CHP1: variants seen among roughly 807,000 people sequenced by gnomAD.
CHP1 encodes the protein calcineurin like EF-hand protein 1.
CHP1 carries 11 observed loss-of-function variants against 27.4 expected under a neutral mutation model. The ratio of observed to expected loss-of-function variants is 0.40; its 90% CI spans 0.25 to 0.67. CHP1 has a LOEUF of 0.67. CHP1 is among the 30% of genes least tolerant of loss of function. The pLI, the probability that CHP1 is intolerant of heterozygous loss-of-function variation, is 0.38. For missense variants in CHP1, 169 were observed against 251.3 expected (o/e 0.67, Z 2.22); for synonymous variants, 89 against 87.4 (o/e 1.02, Z -0.10).
At chr15:41,231,842 A>G (rs1244655284) in intron 1 of CHP1, among the ~76,000 whole-genome samples, 1 of 152,192 alleles carries the variant, frequency 6.6e-6, no homozygotes, top group East Asian at 1.9e-4. Flanking sequence ...TGGATTCTGT[A>G]GAAAATCCGT....
At chr15:41,258,002 G>A (rs546166864) in intron 3 of CHP1, among the ~76,000 whole-genome samples, 3 of 152,226 alleles carry the variant, frequency 2.0e-5, no homozygotes, top group Non-Finnish European at 4.4e-5. Context: ...TTGTACACCC[G>A]TGCTTACTCT....
In CHP1 at chr15:41,256,704, C is replaced by G. The variant is rs139152236; in HGVS notation, c.141-206C>G. On this transcript the variant is annotated intron_variant, in intron 2 of 6. Transcript: ENST00000334660. ...TCACTGGAATGTGGCGTAATCAAAT[C>G]TGGCTCCTTCCACTTCTGAGTTGGT... 34 of 566,232 alleles carry G rather than the reference C, an allele frequency of 6.0e-5. No homozygotes were observed. The African/African-American group carries it at 6.3e-4, about 10-fold the overall frequency. The allele number at this position is 566,232 out of a possible 1,614,324, so 35.1% of individuals were successfully genotyped here.
intron 5 of CHP1, among the ~76,000 whole-genome samples, chr15:41,277,558 G>A (rs2047525194): frequency 6.6e-6 from 1 of 152,172 alleles, no homozygotes. Flanking sequence ...GGGAGGCGGA[G>A]GCGGGCAGAT....
intron 5 of CHP1, among the ~76,000 whole-genome samples, chr15:41,275,148 C>G (rs1392494796): frequency 1.3e-5 from 2 of 151,812 alleles, no homozygotes; most frequent in Non-Finnish European, 2.9e-5. Context: ...TGTACAACTT[C>G]CAATTTTCTT....
intron 4 of CHP1, among the ~76,000 whole-genome samples, chr15:41,269,173 AGCCTGGGAGACAGAGCAGG>A (rs1375942035): frequency 6.6e-6 from 1 of 152,114 alleles, no homozygotes; most frequent in Non-Finnish European, 1.5e-5. Context: ...ACTGCACTCC[AGCCTGGGAGACAGAGCAGG>A]ACCCTGTCTG....
chr15:41,272,020 C>G (rs930271169), intron 5 of CHP1, among the ~76,000 whole-genome samples: 1 of 152,188 alleles, frequency 6.6e-6, no homozygotes, highest in Non-Finnish European at 1.5e-5. Context: ...AGCCACCACG[C>G]CCGGCCCATG....
intron 5 of CHP1, among the ~76,000 whole-genome samples, chr15:41,276,843 G>A (rs1420374743): frequency 6.6e-6 from 1 of 152,168 alleles, no homozygotes; most frequent in Non-Finnish European, 1.5e-5. Context: ...AGAATGTTTG[G>A]CATAGATTGT....
At chr15:41,279,281 T>G in intron 6 of CHP1, 55 bp from the exon 7 acceptor site, 1 of 1,357,650 alleles carries the variant, frequency 7.4e-7, no homozygotes. Flanking sequence ...GATAAGAGCT[T>G]GGGAGTGTTG....
chr15:41,249,683 A>G (rs951927165), intron 2 of CHP1, among the ~76,000 whole-genome samples: 2 of 151,926 alleles, frequency 1.3e-5, no homozygotes, highest in African/African-American at 4.8e-5. Flanking sequence ...TGTGTTAGCC[A>G]GGATGGTTTT....
intron 2 of CHP1, among the ~76,000 whole-genome samples, chr15:41,254,483 T>G (rs2047387907): frequency 6.6e-6 from 1 of 152,230 alleles, no homozygotes; most frequent in African/African-American, 2.4e-5. Context: ...CAGAACAAAT[T>G]ATGTAATAAA....
At chr15:41,251,023 C>T (rs1036110714) in intron 2 of CHP1, among the ~76,000 whole-genome samples, 2 of 151,866 alleles carry the variant, frequency 1.3e-5, no homozygotes, top group Admixed American at 6.6e-5. Context: ...TTAGTAGAGA[C>T]GGGTTTCACC....
At chr15:41,267,720 TAGCCTGGGCAACAG>T (rs905353921) in intron 4 of CHP1, among the ~76,000 whole-genome samples, 2 of 149,808 alleles carry the variant, frequency 1.3e-5, no homozygotes, top group Admixed American at 6.7e-5. Flanking sequence ...TAAAGGTTTG[TAGCCTGGGCAACAG>T]AGCCTGGGCA....
At chr15:41,233,370 C>T (rs2047262044) in intron 1 of CHP1, among the ~76,000 whole-genome samples, 1 of 152,162 alleles carries the variant, frequency 6.6e-6, no homozygotes, top group Admixed American at 6.6e-5. Context: ...GCAGTAATCC[C>T]ATTCTGGTTT....
chr15:41,256,934 A>C lies in CHP1; in HGVS notation c.165A>C (p.Pro55=), dbSNP rs1465337045. Residue 55 remains proline (P), a synonymous_variant, in exon 3 of 7, where the codon CCA becomes CCC. Coordinates refer to ENST00000334660, the MANE Select transcript of CHP1 (RefSeq NM_007236.5). ...TLSREDFQRI[P]ELAINPLGDR... is the part of the protein sequence containing the mutation. ...GCCGGGAAGATTTCCAGAGGATTCC[A>C]GAACTTGCCATCAACCCACTGGGGG... is the stretch of plus-strand genomic sequence containing the variant. 1.2e-6 allele frequency: 2 copies of C among 1,614,100 alleles called. No individual in the cohort carries two copies. Among genetic ancestry groups the C allele is most frequent in the Non-Finnish European group, 1.7e-6 (2 of 1,180,028 alleles).
At position 41,231,288 on chromosome 15, in the gene CHP1, C is replaced by T. The variant is rs1595467478; in HGVS notation, c.-95C>T. On this transcript the variant is annotated 5_prime_UTR_variant, in exon 1 of 7. Coordinates refer to ENST00000334660, the MANE Select transcript of CHP1 (RefSeq NM_007236.5). ...TCCGCAGTGGAAACACTGCCCTCTC[C>T]CTTCTTGACCCCTAGCCCTTCCTTC... 9.6e-6 allele frequency: 12 copies of T among 1,244,376 alleles called. No individual in the cohort carries two copies. The East Asian group carries it at 3.0e-4, about 32-fold the overall frequency. The allele number at this position is 1,244,376 out of a possible 1,614,324, so 77.1% of individuals were successfully genotyped here. A position where few individuals can be genotyped will look rare whatever the true frequency, so the allele number is the denominator to read the frequency against.
At chr15:41,267,038 G>T (rs907205044) in intron 4 of CHP1, among the ~76,000 whole-genome samples, 9 of 152,024 alleles carry the variant, frequency 5.9e-5, no homozygotes, top group Admixed American at 2.6e-4. Flanking sequence ...GTACAACATG[G>T]ATGAATCTTG....
At chr15:41,276,240 C>CAAAA (rs11451377) in intron 5 of CHP1, among the ~76,000 whole-genome samples, 1 of 126,044 alleles carries the variant, frequency 7.9e-6, no homozygotes. Flanking sequence ...GACTCCATCT[C>CAAAA]AAAAAAAAAA....
intron 5 of CHP1, among the ~76,000 whole-genome samples, chr15:41,277,516 G>C (rs368898759): frequency 1.3e-5 from 2 of 152,102 alleles, no homozygotes; most frequent in African/African-American, 4.8e-5. Context: ...GTGGCTGGGC[G>C]CAGTGGCTCA....
At chr15:41,279,034 A>C in intron 6 of CHP1, 145 bp downstream of exon 6, 1 of 1,041,442 alleles carries the variant, frequency 9.6e-7, no homozygotes, top group South Asian at 1.6e-5. Context: ...AACATGGTGA[A>C]ACCTCATCTG....
Sources: allele counts gnomAD v4.1 joint callset (sites outside exome capture counted in the v4.1 genomes callset), GRCh38; gene constraint gnomAD v4.1.1; transcripts MANE v1.5; gene names NCBI Gene and HGNC (gene_info 2026-07-23, HGNC 2026-07-21).